The following VPS37B variants were observed in gnomAD, a reference collection of about 807,000 sequenced individuals.
VPS37B encodes the protein vacuolar protein sorting-associated protein 37B.
VPS37B carries 11 observed loss-of-function variants against 21.2 expected under a neutral mutation model. The observed-to-expected ratio is 0.52, with a 90% CI of 0.33 to 0.86. The LOEUF (loss-of-function observed/expected upper bound fraction) is 0.86. Ranked by LOEUF, VPS37B falls within the 40% of genes least tolerant of loss-of-function variation. The probability of loss-of-function intolerance (pLI) is 0.03; values close to 1 mark genes in which losing one functional copy is unlikely to be tolerated. For missense variants in VPS37B, 389 were observed against 374.8 expected (o/e 1.04, Z -0.31); for synonymous variants, 175 against 159.6 (o/e 1.10, Z -0.73).
At chr12:122,871,614 C>T (rs1291566412) in intron 1 of VPS37B, 2 of 985,512 alleles carry the variant, frequency 2.0e-6, no homozygotes, top group Non-Finnish European at 2.4e-6. Context: ...CACCCCAGCT[C>T]TTCTGAGCCT....
intron 1 of VPS37B, chr12:122,887,550 GCTAA>G (rs1053545569): frequency 1.3e-5 from 2 of 152,090 alleles, no homozygotes; most frequent in Admixed American, 1.3e-4. Flanking sequence ...TCATTACCTG[GCTAA>G]CTCTTAACTC....
Position 122,867,122 on chromosome 12 carries a change from G to A in VPS37B, c.852C>T (p.Leu284=), listed in dbSNP as rs2033917298. The A allele has an allele frequency of 1.3e-6, 2 of 1,528,628 alleles. No homozygotes were observed. Among genetic ancestry groups the A allele is most frequent in the Middle Eastern group, 2.0e-4 (1 of 5,092 alleles). The allele number at this position is 1,528,628 out of a possible 1,614,324, so 94.7% of individuals were successfully genotyped here. A position where few individuals can be genotyped will look rare whatever the true frequency, so the allele number is the denominator to read the frequency against. ...RLPPHQPGFI[L]Q ...GGAAGGACCGCGCCGGCGCTCACTG[G>A]AGGATGAAACCCGGCTGGTGTGGAG... The change falls in exon 4 of 4, where the codon CTC becomes CTT. Residue 284 remains leucine, a synonymous_variant. Coordinates refer to ENST00000267202, the MANE Select transcript of VPS37B (RefSeq NM_024667.3). This position sits in a 1 kb window ranked among gnomAD's most constrained non-coding sequence, Gnocchi z 5.5.
chr12:122,872,129 C>T (rs1171815683), intron 1 of VPS37B: 13 of 985,430 alleles, frequency 1.3e-5, no homozygotes, highest in African/African-American at 1.7e-5. Flanking sequence ...AGTATAGATT[C>T]CTGGCCATGC....
In VPS37B at chr12:122,867,183, G is replaced by A. The variant is rs547100278; in HGVS notation, c.791C>T (p.Pro264Leu). The change falls in exon 4 of 4, where the codon CCG (proline) becomes CTG (leucine). Residue 264 changes from proline (P) to leucine (L), a missense_variant. By Grantham distance (98) the Pro-to-Leu change is moderately conservative. Coordinates refer to ENST00000267202, the MANE Select transcript of VPS37B (RefSeq NM_024667.3). This position sits in a 1 kb window ranked among gnomAD's most constrained non-coding sequence, Gnocchi z 5.5. ...CGGGGGTCTCTGAGGGAGAGGTGGC[G>A]GATATGGGGACACGAACTGCGAAGA... ...GFSSQFVSPY[P>L]PPLPQRPPPR... 3.3e-5 allele frequency: 51 copies of A among 1,564,382 alleles called. 1 individual carries two copies. In the South Asian group the frequency reaches 4.3e-4, roughly 13 times the overall value.
chr12:122,877,449 A>G (rs2034171465), intron 1 of VPS37B: 1 of 152,148 alleles, frequency 6.6e-6, no homozygotes, highest in African/African-American at 2.4e-5. Flanking sequence ...TGGTGCAATC[A>G]TGGCTCACTG....
rs200834624 is a variant in VPS37B at position 122,876,331 on chromosome 12, T to A, written c.112-5270A>T. 25 of 152,306 alleles carry A rather than the reference T, an allele frequency of 1.6e-4. No homozygotes were observed. The East Asian group carries it at 4.6e-3, about 28-fold the overall frequency. 9.4% of individuals were successfully genotyped at this position (152,306 alleles called of 1,614,324 possible). A position where few individuals can be genotyped will look rare whatever the true frequency, so the allele number is the denominator to read the frequency against. ...TTCTGTTTTAAGTTAAAAAAAAGTATCTTATATATACTTATCCAGGCAGAA... is the reference window on the plus strand; with the variant it reads ...TTCTGTTTTAAGTTAAAAAAAAGTAACTTATATATACTTATCCAGGCAGAA... On this transcript the variant is annotated intron_variant, in intron 1 of 3. Transcript: ENST00000267202.
chr12:122,867,001 C>G lies in VPS37B; in HGVS notation c.*115G>C, dbSNP rs553960730. 7.6e-7 allele frequency: 1 copy of G among 1,316,916 alleles called. No individual in the cohort carries two copies. Among genetic ancestry groups the G allele is most frequent in the African/African-American group, 1.5e-5 (1 of 66,984 alleles). 81.6% of individuals were successfully genotyped at this position (1,316,916 alleles called of 1,614,324 possible). A position where few individuals can be genotyped will look rare whatever the true frequency, so the allele number is the denominator to read the frequency against. Reference sequence around the variant, plus strand: ...CTACAGTTCTAAAATCAGACAGACACGCTGGCCCAGGGCCCCAGAGCCCTT... The same window carrying G: ...CTACAGTTCTAAAATCAGACAGACAGGCTGGCCCAGGGCCCCAGAGCCCTT... On this transcript the variant is annotated 3_prime_UTR_variant, in exon 4 of 4. Transcript: ENST00000267202. The surrounding 1 kb of genome is among the most constrained non-coding windows in gnomAD (Gnocchi z 5.5).
intron 1 of VPS37B, chr12:122,886,789 T>C (rs998800695): frequency 4.6e-5 from 7 of 152,204 alleles, no homozygotes; most frequent in Non-Finnish European, 7.4e-5. Flanking sequence ...TAAAATAGTT[T>C]ATACGCATCA....
chr12:122,886,203 T>C (rs892670737), intron 1 of VPS37B: 2 of 152,146 alleles, frequency 1.3e-5, no homozygotes, highest in African/African-American at 4.8e-5. Context: ...TAAATAAGCA[T>C]TTGCCAAAGT....
Position 122,865,438 on chromosome 12 carries a change from C to G in VPS37B, c.*1678G>C, listed in dbSNP as rs1349937440. On this transcript the variant is annotated 3_prime_UTR_variant, in exon 4 of 4. Coordinates refer to ENST00000267202, the MANE Select transcript of VPS37B (RefSeq NM_024667.3). Reference sequence around the variant, plus strand: ...AGCCCGGCCAGGGGCCGCTTTGCAACTTCAATGCCAAGCTCACGTCTGGCT... The same window carrying G: ...AGCCCGGCCAGGGGCCGCTTTGCAAGTTCAATGCCAAGCTCACGTCTGGCT... The G allele has an allele frequency of 6.6e-6, 1 of 152,280 alleles. No homozygotes were observed. The highest frequency in any genetic ancestry group is 6.5e-5 in the Admixed American group (1 of 15,288). 9.4% of individuals were successfully genotyped at this position (152,280 alleles called of 1,614,324 possible).
At chr12:122,880,704 AC>A (rs1469193881) in intron 1 of VPS37B, 1 of 151,958 alleles carries the variant, frequency 6.6e-6, no homozygotes, top group Non-Finnish European at 1.5e-5. Context: ...CGACACACAC[AC>A]AGAAAAACCC....
chr12:122,882,840 T>G (rs2034266205), intron 1 of VPS37B: 1 of 152,216 alleles, frequency 6.6e-6, no homozygotes, highest in Non-Finnish European at 1.5e-5. Context: ...TGAATTCAGG[T>G]CTTCAGGTGA....
intron 1 of VPS37B, chr12:122,882,067 A>G (rs987532474): frequency 1.3e-5 from 2 of 152,218 alleles, no homozygotes; most frequent in Non-Finnish European, 2.9e-5. Context: ...AATTCACAAT[A>G]ATCCTTTAAT....
At chr12:122,895,433 G>T (rs1370188744) in intron 1 of VPS37B, among the ~76,000 whole-genome samples, 1 of 141,894 alleles carries the variant, frequency 7.0e-6, no homozygotes, top group Admixed American at 7.4e-5. Flanking sequence ...CTAGCTCTTG[G>T]TCCCCCTCAG....
rs926221762 is a variant in VPS37B at position 122,867,549 on chromosome 12, T to G, written c.425A>C (p.Tyr142Ser). The change falls in exon 4 of 4, where the codon TAT (tyrosine) becomes TCT (serine). Residue 142 changes from tyrosine to serine, a missense_variant. Tyr to Ser is a moderately radical substitution (Grantham distance 144). Coordinates refer to ENST00000267202, the MANE Select transcript of VPS37B (RefSeq NM_024667.3). The surrounding 1 kb of genome is among the most constrained non-coding windows in gnomAD (Gnocchi z 5.5). Reference sequence around the variant, plus strand: ...GTGGGCCAGTTTCCGTTTGCTCTGATAGACATCAATGAAGGAATCCAGAGG... The same window carrying G: ...GTGGGCCAGTTTCCGTTTGCTCTGAGAGACATCAATGAAGGAATCCAGAGG... ...ELPLDSFIDV[Y>S]QSKRKLAHMR... is the part of the protein sequence containing the mutation. 4 of 1,613,920 alleles carry G rather than the reference T, an allele frequency of 2.5e-6. No individual in the cohort carries two copies. The highest frequency in any genetic ancestry group is 3.4e-6 in the Non-Finnish European group (4 of 1,180,036).
chr12:122,876,338 T>G (rs968917711), intron 1 of VPS37B: 1 of 152,232 alleles, frequency 6.6e-6, no homozygotes, highest in African/African-American at 2.4e-5. Flanking sequence ...GTATCTTATA[T>G]ATACTTATCC....
intron 1 of VPS37B, chr12:122,889,587 T>G (rs1009002551): frequency 2.6e-5 from 4 of 152,336 alleles, no homozygotes; most frequent in Non-Finnish European, 5.9e-5. Flanking sequence ...CCGAGCATGG[T>G]GGCGCGTGCC....
Position 122,877,418 on chromosome 12 carries a change from A to G in VPS37B, c.112-6357T>C, listed in dbSNP as rs184506844. 145 of 152,266 alleles carry G rather than the reference A, an allele frequency of 9.5e-4. 1 individual carries two copies. Among genetic ancestry groups the G allele is most frequent in the African/African-American group, 3.4e-3 (142 of 41,544 alleles). 9.4% of individuals were successfully genotyped at this position (152,266 alleles called of 1,614,324 possible). A position where few individuals can be genotyped will look rare whatever the true frequency, so the allele number is the denominator to read the frequency against. ...ATTTTTTGAGACAGGGTCTTGTTCT[A>G]TCACGCAGGCTGACATGCAGTGGTG... On this transcript the variant is annotated intron_variant, in intron 1 of 3. Transcript: ENST00000267202.
intron 1 of VPS37B, among the ~76,000 whole-genome samples, chr12:122,893,342 G>A (rs1351971878): frequency 1.3e-5 from 2 of 152,142 alleles, no homozygotes; most frequent in African/African-American, 4.8e-5. Flanking sequence ...TTTTCCAACA[G>A]ATACTCAGGC....
Sources: gnomAD v4.1 joint callset for allele counts (sites outside exome capture counted in the v4.1 genomes callset) on GRCh38, gnomAD v4.1.1 for gene constraint, Gnocchi (gnomAD v3.1) non-coding constraint, MANE v1.5 for transcripts, NCBI Gene and HGNC (gene_info 2026-07-23, HGNC 2026-07-21) for gene names.